The following ADAMTS12 variants were observed in gnomAD, a reference collection of about 807,000 sequenced individuals.
ADAMTS12 encodes the protein A disintegrin and metalloproteinase with thrombospondin motifs 12.
In ADAMTS12, 118 loss-of-function variants were observed where a neutral mutation model predicts 167.8. The ratio of observed to expected loss-of-function variants is 0.70; its 90% CI spans 0.61 to 0.82. The LOEUF is 0.82. Among genes scored for constraint, ADAMTS12 ranks in the 40% least tolerant of loss-of-function variants. The pLI is 0.00. For synonymous variants in ADAMTS12, 704 were observed against 716.9 expected (o/e 0.98, Z 0.29); for missense variants, 1,916 against 1,998.8 (o/e 0.96, Z 0.79).
intron 16 of ADAMTS12, among the ~76,000 whole-genome samples, chr5:33,612,993 A>G (rs1000181120): frequency 2.0e-5 from 3 of 152,218 alleles, no homozygotes; most frequent in African/African-American, 7.2e-5. Flanking sequence ...AAAATTGTTT[A>G]TAAGGTTGAT....
rs375606697 is a variant in ADAMTS12 at position 33,591,783 on chromosome 5, T to A, written c.2655-2974A>T. 1.8e-4 allele frequency among the ~76,000 whole-genome samples: 28 copies of A among 152,298 alleles called. No homozygotes were observed. The South Asian group carries it at 5.6e-3, about 30-fold the overall frequency. ...TCCCTCCCCAGGGGACATTTGGGAATGTCTGAAGACATTTTTCGTCGTCAC... is the reference window on the plus strand; with the variant it reads ...TCCCTCCCCAGGGGACATTTGGGAAAGTCTGAAGACATTTTTCGTCGTCAC... On this transcript the variant is annotated intron_variant, in intron 17 of 23. Coordinates refer to ENST00000504830, the MANE Select transcript of ADAMTS12 (RefSeq NM_030955.4).
At chr5:33,565,972 T>G (rs1023002708) in intron 19 of ADAMTS12, among the ~76,000 whole-genome samples, 1 of 152,164 alleles carries the variant, frequency 6.6e-6, no homozygotes, top group African/African-American at 2.4e-5. Flanking sequence ...ATTCCATAAT[T>G]CCACAACTGC....
intron 23 of ADAMTS12, 31 bp from the exon 24 acceptor site, chr5:33,527,397 G>A (rs1008418297): frequency 3.1e-6 from 5 of 1,605,404 alleles, no homozygotes; most frequent in Non-Finnish European, 4.3e-6. Context: ...TAAGAAAAAA[G>A]TCCAAAGATT....
chr5:33,618,482 A>G (rs1450895089), intron 14 of ADAMTS12, among the ~76,000 whole-genome samples: 1 of 152,230 alleles, frequency 6.6e-6, no homozygotes, highest in Non-Finnish European at 1.5e-5. Context: ...TCTGTATCAC[A>G]GAAGAGTCCA....
chr5:33,849,662 C>CATAGCAA (rs1241679502), intron 2 of ADAMTS12, among the ~76,000 whole-genome samples: 2 of 107,304 alleles, frequency 1.9e-5, no homozygotes, highest in African/African-American at 6.5e-5. Context: ...TATATAGTAT[C>CATAGCAA]TATATATGTA....
intron 7 of ADAMTS12, among the ~76,000 whole-genome samples, chr5:33,651,578 T>C (rs1477133298): frequency 6.6e-6 from 1 of 152,226 alleles, no homozygotes; most frequent in Non-Finnish European, 1.5e-5. Context: ...CTTAGTTTGA[T>C]CCACAGCTAA....
At chr5:33,835,549 C>G (rs1296870491) in intron 2 of ADAMTS12, among the ~76,000 whole-genome samples, 1 of 152,210 alleles carries the variant, frequency 6.6e-6, no homozygotes, top group Non-Finnish European at 1.5e-5. Context: ...GGCCTGTCTC[C>G]TAGTTCATAG....
intron 18 of ADAMTS12, among the ~76,000 whole-genome samples, chr5:33,584,917 T>C (rs1319228558): frequency 6.6e-6 from 1 of 152,194 alleles, no homozygotes; most frequent in East Asian, 1.9e-4. Context: ...TACAAGTTTA[T>C]GCAATACAAG....
At chr5:33,778,867 A>C (rs1746012945) in intron 2 of ADAMTS12, among the ~76,000 whole-genome samples, 1 of 152,170 alleles carries the variant, frequency 6.6e-6, no homozygotes, top group African/African-American at 2.4e-5. Context: ...GAACCTAAAT[A>C]TATATTACTC....
At chr5:33,800,780 T>G (rs1382297208) in intron 2 of ADAMTS12, among the ~76,000 whole-genome samples, 1 of 152,176 alleles carries the variant, frequency 6.6e-6, no homozygotes, top group Non-Finnish European at 1.5e-5. Context: ...TAAGGACCAT[T>G]TGCTAAATAT....
In ADAMTS12 at chr5:33,576,503, C is replaced by T. The variant is rs1270557060; in HGVS notation, c.3523G>A (p.Val1175Ile). The T allele has an allele frequency of 1.9e-6, 3 of 1,610,454 alleles. No individual in the cohort carries two copies. Among genetic ancestry groups the T allele is most frequent in the East Asian group, 2.2e-5 (1 of 44,890 alleles). ...QPEDKDESNP[V>I]IWTKIRVPGN... ...GGTACTCTGATCTTGGTCCATATTA[C>T]AGGATTGCTTTCATCTTTGTCCTCA... is the stretch of plus-strand genomic sequence containing the variant. The change falls in exon 19 of 24, where the codon GTA becomes ATA. Residue 1175 changes from valine (V) to isoleucine (I), a missense_variant. Transcript: ENST00000504830.
At position 33,730,289 on chromosome 5, in the gene ADAMTS12, G is replaced by GGGGTGTGTGT. The variant is rs1554038433; in HGVS notation, c.634+21114_634+21115insACACACACCC. On this transcript the variant is annotated intron_variant, in intron 3 of 23. Transcript: ENST00000504830. The stretch of plus-strand genomic sequence containing the variant: ...CTATTATGAGATCAGAGTCCATTAG[G>GGGGTGTGTGT]GTGTGTGTGTGTGTGTGTGTGTGTG... Among the ~76,000 whole-genome samples, 778 of 144,252 alleles carry GGGGTGTGTGT rather than the reference G, an allele frequency of 5.4e-3. 4 individuals are homozygous for GGGGTGTGTGT. The highest frequency in any genetic ancestry group is 8.8e-3 in the Non-Finnish European group (580 of 65,738). The allele number at this position is 144,252 out of a possible 152,430, so 94.6% of individuals were successfully genotyped here. A position where few individuals can be genotyped will look rare whatever the true frequency, so the allele number is the denominator to read the frequency against.
chr5:33,590,153 C>T (rs1198339800), intron 17 of ADAMTS12, among the ~76,000 whole-genome samples: 1 of 152,182 alleles, frequency 6.6e-6, no homozygotes, highest in Non-Finnish European at 1.5e-5. Context: ...TATAAAATGC[C>T]ATTCTGAAAA....
At chr5:33,762,658 C>T (rs1426115428) in intron 2 of ADAMTS12, among the ~76,000 whole-genome samples, 1 of 152,036 alleles carries the variant, frequency 6.6e-6, no homozygotes, top group Admixed American at 6.6e-5. Flanking sequence ...CAGCTGGTGG[C>T]CAAAGTGAAA....
chr5:33,591,870 G>A (rs1194179768), intron 17 of ADAMTS12, among the ~76,000 whole-genome samples: 1 of 152,074 alleles, frequency 6.6e-6, no homozygotes, highest in African/African-American at 2.4e-5. Flanking sequence ...ATAGAGTCCA[G>A]GGATACAGCT....
chr5:33,585,059 A>G (rs392390), intron 18 of ADAMTS12, among the ~76,000 whole-genome samples: 3 of 152,002 alleles, frequency 2.0e-5, no homozygotes, highest in African/African-American at 7.2e-5. Context: ...CCATCCATCC[A>G]TCCATCCATC....
intron 2 of ADAMTS12, among the ~76,000 whole-genome samples, chr5:33,841,791 C>T (rs981536031): frequency 2.0e-5 from 3 of 152,224 alleles, no homozygotes; most frequent in Non-Finnish European, 2.9e-5. Flanking sequence ...AGCATTTGTG[C>T]TGAGTCCTAG....
rs775280338 is a variant in ADAMTS12 at position 33,881,385 on chromosome 5, T to C, written c.223A>G (p.Ile75Val). 3 of 1,614,054 alleles carry C rather than the reference T, an allele frequency of 1.9e-6. No homozygotes were observed. In the East Asian group the frequency reaches 6.7e-5, roughly 36 times the overall value. Residue 75 changes from isoleucine to valine, a missense_variant, in exon 2 of 24, where the codon ATC (isoleucine) becomes GTC (valine). Transcript: ENST00000504830. ...TCTCTCTTCCTCCTGCTGCTCGTGA[T>C]GGGATAGTGCAAGCCATATGACAAA... ...HFLSYGLHYP[I>V]TSSRRKRDLD...
chr5:33,619,578 T>A (rs1739203058), intron 14 of ADAMTS12, among the ~76,000 whole-genome samples: 1 of 152,216 alleles, frequency 6.6e-6, no homozygotes, highest in Non-Finnish European at 1.5e-5. Context: ...TATCAAATCA[T>A]ACCTTACAGG....
Sources: allele counts gnomAD v4.1 joint callset (sites outside exome capture counted in the v4.1 genomes callset), GRCh38; gene constraint gnomAD v4.1.1; transcripts MANE v1.5; gene names NCBI Gene and HGNC (gene_info 2026-07-23, HGNC 2026-07-21).